KCNK7: variants seen among roughly 807,000 people sequenced by gnomAD.
KCNK7 encodes potassium channel subfamily K member 7.
KCNK7 carries 14 observed loss-of-function variants against 18.1 expected under a neutral mutation model. That is an observed-to-expected ratio of 0.77 (90% CI 0.51 to 1.21). The LOEUF (loss-of-function observed/expected upper bound fraction) is 1.21, where lower values mean the gene tolerates loss of function less well. Among genes scored for constraint, KCNK7 ranks in the 50% most tolerant of loss-of-function variants. The pLI, the probability that KCNK7 is intolerant of heterozygous loss-of-function variation, is 0.00. For synonymous variants in KCNK7, 188 were observed against 184.7 expected, an observed-to-expected ratio of 1.02 and a Z score of -0.15; for missense variants, 385 against 387.3, an observed-to-expected ratio of 0.99 and a Z score of 0.05.
At chr11:65,595,424 C>A in intron 1 of KCNK7, 30 bp downstream of exon 1, 2 of 1,405,236 alleles carry the variant, frequency 1.4e-6, no homozygotes, top group South Asian at 1.8e-5. Context: ...TGGAGCCGCA[C>A]CCCCCGACTT....
At position 65,595,651 on chromosome 11, in the gene KCNK7, G is replaced by C. The variant is rs773988339; in HGVS notation, c.122C>G (p.Ala41Gly). Reference sequence around the variant, plus strand: ...GGCTGCCAGCTCTGCCCTGAGCTCAGCCTGAAGCCTGCATGCAGGAGGCCC... The same window carrying C: ...GGCTGCCAGCTCTGCCCTGAGCTCACCCTGAAGCCTGCATGCAGGAGGCCC... ...LEGPPACRLQ[A>G]ELRAELAAFQ... The change falls in exon 1 of 3, where the codon GCT becomes GGT. Residue 41 changes from alanine to glycine, a missense_variant. By Grantham distance (60) the Ala-to-Gly change is moderately conservative. Transcript: ENST00000340313. 3 of 1,605,166 alleles carry C rather than the reference G, an allele frequency of 1.9e-6. No homozygotes were observed. The highest frequency in any genetic ancestry group is 1.7e-6 in the Non-Finnish European group (2 of 1,176,190).
Position 65,593,046 on chromosome 11 carries a change from G to T in KCNK7, c.883C>A (p.Pro295Thr). The change falls in exon 3 of 3, where the codon CCG becomes ACG. Residue 295 changes from proline (P) to threonine (T), a missense_variant. Coordinates refer to ENST00000340313, the MANE Select transcript of KCNK7 (RefSeq NM_033347.2). ...GQDELALSTL[P>T]PAAPASGQAP... ...TGTCCTGAAGCTGGGGCCGCGGGCG[G>T]CAGGGTGCTCAGAGCCAGTTCATCC... 2 of 1,613,598 alleles carry T rather than the reference G, an allele frequency of 1.2e-6. No homozygotes were observed. The highest frequency in any genetic ancestry group is 1.1e-5 in the South Asian group (1 of 91,056).
At position 65,593,185 on chromosome 11, in the gene KCNK7, G is replaced by A. The variant is rs375528567; in HGVS notation, c.744C>T (p.Ala248=). The change falls in exon 3 of 3, where the codon GCC becomes GCT. Residue 248 remains alanine, a synonymous_variant. Coordinates refer to ENST00000340313, the MANE Select transcript of KCNK7 (RefSeq NM_033347.2). ...LLGYLLLGLL[A]MLLAVETFSE... ...AGAAGGTCTCCACTGCCAGCAGCAT[G>A]GCCAAGAGTCCTAGAAGCAAGTAAC... 6.2e-7 allele frequency: 1 copy of A among 1,613,500 alleles called. No individual in the cohort carries two copies. The highest frequency in any genetic ancestry group is 8.5e-7 in the Non-Finnish European group (1 of 1,179,726).
chr11:65,595,371 A>C (rs2135355189), intron 1 of KCNK7, 83 bp downstream of exon 1: 1 of 1,216,292 alleles, frequency 8.2e-7, no homozygotes, highest in Non-Finnish European at 1.1e-6. Flanking sequence ...GGCTGAAGGA[A>C]GGGCTGCATG....
intron 1 of KCNK7, 128 bp downstream of exon 1, chr11:65,595,326 G>A: frequency 1.3e-6 from 1 of 779,438 alleles, no homozygotes; most frequent in Non-Finnish European, 1.8e-6. Context: ...GTGATGTCAG[G>A]CCTCACAGGG....
intron 1 of KCNK7, 61 bp downstream of exon 1, chr11:65,595,393 C>T: frequency 2.2e-6 from 3 of 1,337,252 alleles, no homozygotes; most frequent in South Asian, 2.1e-5. Context: ...ACCCCAAAGC[C>T]CCCAGGGAGC....
Position 65,595,717 on chromosome 11 carries a change from A to G in KCNK7, c.56T>C (p.Leu19Pro). 1 of 1,589,636 alleles carries G rather than the reference A, an allele frequency of 6.3e-7. No homozygotes were observed. The highest frequency in any genetic ancestry group is 1.1e-5 in the South Asian group (1 of 89,208). The change falls in exon 1 of 3, where the codon CTG becomes CCG. Residue 19 changes from leucine to proline, a missense_variant. Leu to Pro is a moderately conservative substitution (Grantham distance 98). Transcript: ENST00000340313. ...CACCACAGCCCCAAGCCCCAGGGCC[A>G]GCAAGTGGGCCACAACCAGGAGCCC... ...RYGLLVVAHL[L>P]ALGLGAVVFQ...
At chr11:65,593,447 C>T in intron 2 of KCNK7, 29 bp downstream of exon 2, 1 of 1,613,850 alleles carries the variant, frequency 6.2e-7, no homozygotes, top group South Asian at 1.1e-5. Flanking sequence ...TCCCCCTTCC[C>T]CCACACGCTG....
At chr11:65,595,085 TC>T (rs1007696098) in intron 1 of KCNK7, among the ~76,000 whole-genome samples, 4 of 151,900 alleles carry the variant, frequency 2.6e-5, no homozygotes, top group African/African-American at 9.7e-5. Context: ...CTTCCCTCAC[TC>T]CCCCACCCGA....
intron 1 of KCNK7, among the ~76,000 whole-genome samples, chr11:65,594,515 G>A (rs1854312407): frequency 6.6e-6 from 1 of 152,238 alleles, no homozygotes. Context: ...GCTCCAGTCA[G>A]GATGTTGCCT....
intron 1 of KCNK7, among the ~76,000 whole-genome samples, chr11:65,594,435 C>T (rs1048863345): frequency 2.6e-5 from 4 of 152,142 alleles, no homozygotes; most frequent in Non-Finnish European, 5.9e-5. Flanking sequence ...AGATGGGAGA[C>T]AAACAGGAGT....
At position 65,595,422 on chromosome 11, in the gene KCNK7, C is replaced by T. The variant is rs757332135; in HGVS notation, c.319+32G>A. 4.3e-6 allele frequency: 6 copies of T among 1,407,032 alleles called. No individual in the cohort carries two copies. The South Asian group carries it at 9.0e-5, about 21-fold the overall frequency. The allele number at this position is 1,407,032 out of a possible 1,614,324, so 87.2% of individuals were successfully genotyped here. On this transcript the variant is annotated intron_variant, in intron 1 of 2. Transcript: ENST00000340313. The stretch of plus-strand genomic sequence containing the variant: ...AGGGAGCCATGGCCTCTTGGAGCCG[C>T]ACCCCCCGACTTGGCTGCCTGGCTC...
In KCNK7 at chr11:65,595,582, T is replaced by A; in HGVS notation, c.191A>T (p.Glu64Val). 2 of 1,592,298 alleles carry A rather than the reference T, an allele frequency of 1.3e-6. No individual in the cohort carries two copies. Among genetic ancestry groups the A allele is most frequent in the Non-Finnish European group, 1.7e-6 (2 of 1,165,916 alleles). Residue 64 changes from glutamate (E) to valine (V), a missense_variant, in exon 1 of 3, where the codon GAA (glutamate) becomes GTA (valine). Coordinates refer to ENST00000340313, the MANE Select transcript of KCNK7 (RefSeq NM_033347.2). The stretch of plus-strand genomic sequence containing the variant: ...GGCCAGGGCAGTGCCCAGCAGCTCT[T>A]CCAGAGCTCCGGGTGGCAGGCAGGC... ...HRACLPPGAL[E>V]ELLGTALATQ...
Position 65,595,634 on chromosome 11 carries a change from G to C in KCNK7, c.139C>G (p.Leu47Val), listed in dbSNP as rs745744437. ...CRLQAELRAE[L>V]AAFQAEHRAC... is the part of the protein sequence containing the mutation. ...CTATGCTCTGCCTGGAAGGCTGCCAGCTCTGCCCTGAGCTCAGCCTGAAGC... is the reference window on the plus strand; with the variant it reads ...CTATGCTCTGCCTGGAAGGCTGCCACCTCTGCCCTGAGCTCAGCCTGAAGC... The change falls in exon 1 of 3, where the codon CTG becomes GTG. Residue 47 changes from leucine to valine, a missense_variant. Coordinates refer to ENST00000340313, the MANE Select transcript of KCNK7 (RefSeq NM_033347.2). The C allele has an allele frequency of 5.0e-6, 8 of 1,604,710 alleles. No homozygotes were observed. In the East Asian group the frequency reaches 9.0e-5, roughly 18 times the overall value.
At chr11:65,594,263 C>T (rs1375616691) in intron 1 of KCNK7, among the ~76,000 whole-genome samples, 2 of 152,182 alleles carry the variant, frequency 1.3e-5, no homozygotes, top group Admixed American at 6.5e-5. Context: ...GGCCCTGCCC[C>T]TTCTGGTGGG....
rs1565137742 is a variant in KCNK7, at chr11:65,593,067, C to T, written c.862G>A (p.Glu288Lys). The T allele has an allele frequency of 6.2e-7, 1 of 1,613,348 alleles. No homozygotes were observed. Among genetic ancestry groups the T allele is most frequent in the African/African-American group, 1.3e-5 (1 of 74,828 alleles). ...GGCGGCAGGGTGCTCAGAGCCAGTTCATCCTGCCCTAGGATGCCACCTTGG... is the reference window on the plus strand; with the variant it reads ...GGCGGCAGGGTGCTCAGAGCCAGTTTATCCTGCCCTAGGATGCCACCTTGG... ...EDQGGILGQDELALSTLPPAA... is the reference protein window; with the variant it reads ...EDQGGILGQDKLALSTLPPAA... The change falls in exon 3 of 3, where the codon GAA (glutamate) becomes AAA (lysine). Residue 288 changes from glutamate to lysine, a missense_variant. Glu to Lys is a moderately conservative substitution (Grantham distance 56). Coordinates refer to ENST00000340313, the MANE Select transcript of KCNK7 (RefSeq NM_033347.2).
At chr11:65,593,445 C>A in intron 2 of KCNK7, 31 bp downstream of exon 2, 4 of 1,613,822 alleles carry the variant, frequency 2.5e-6, no homozygotes, top group Non-Finnish European at 1.7e-6. Flanking sequence ...CTTCCCCCTT[C>A]CCCCACACGC....
intron 1 of KCNK7, among the ~76,000 whole-genome samples, chr11:65,594,468 A>G (rs1037258806): frequency 3.3e-5 from 5 of 152,210 alleles, no homozygotes; most frequent in Non-Finnish European, 7.3e-5. Context: ...GGTACACTGG[A>G]AAGTGTGAGC....
In KCNK7 at chr11:65,593,453, C is replaced by T. The variant is rs200550438; in HGVS notation, c.718+23G>A. 10 of 1,613,698 alleles carry T rather than the reference C, an allele frequency of 6.2e-6. No individual in the cohort carries two copies. In the Admixed American group the frequency reaches 1.0e-4, roughly 16 times the overall value. ...GGCTCCTCTTCCCCCTTCCCCCACA[C>T]GCTGTTAGGTGGCTGGACTTACCAA... On this transcript the variant is annotated intron_variant, in intron 2 of 2. Transcript: ENST00000340313.
Sources: allele counts gnomAD v4.1 joint callset (sites outside exome capture counted in the v4.1 genomes callset), GRCh38; gene constraint gnomAD v4.1.1; transcripts MANE v1.5; gene names NCBI Gene and HGNC (gene_info 2026-07-23, HGNC 2026-07-21).